DNAH9: variants seen among roughly 807,000 people sequenced by gnomAD.
DNAH9 encodes dynein axonemal heavy chain 9.
A neutral mutation model predicts 471.6 loss-of-function variants in DNAH9; 345 were observed. The ratio of observed to expected loss-of-function variants is 0.73; its 90% CI spans 0.67 to 0.80. DNAH9 has a LOEUF of 0.80. DNAH9 is among the 30% of genes least tolerant of loss of function. DNAH9 has a pLI of 0.00. For synonymous variants in DNAH9, 2,093 were observed against 2,123.6 expected (o/e 0.99, Z 0.40); for missense variants, 5,407 against 5,609.2 (o/e 0.96, Z 1.15).
At chr17:11,784,651 T>C in intron 41 of DNAH9, 112 bp downstream of exon 41, 1 of 1,452,378 alleles carries the variant, frequency 6.9e-7, no homozygotes, top group Non-Finnish European at 9.5e-7. Context: ...GCAAAGCCAC[T>C]GTTCATATGT....
In DNAH9 at chr17:11,632,579, C is replaced by T. The variant is rs1003564234; in HGVS notation, c.1519-8C>T. 2.2e-6 allele frequency: 3 copies of T among 1,393,370 alleles called. No homozygotes were observed. Among genetic ancestry groups the T allele is most frequent in the African/African-American group, 2.8e-5 (2 of 70,616 alleles). The allele number at this position is 1,393,370 out of a possible 1,614,324, so 86.3% of individuals were successfully genotyped here. On this transcript the variant is annotated splice_region_variant and splice_polypyrimidine_tract_variant and intron_variant, in intron 7 of 68. Transcript: ENST00000262442. ...CGTTTTCCTTATATATATATGGTGTCTCTTCAGGACTTTGAAAATGACGTC... is the reference window on the plus strand; with the variant it reads ...CGTTTTCCTTATATATATATGGTGTTTCTTCAGGACTTTGAAAATGACGTC...
chr17:11,689,836 G>C lies in DNAH9; in HGVS notation c.4014G>C (p.Gln1338His). 6.2e-7 allele frequency: 1 copy of C among 1,613,320 alleles called. No homozygotes were observed. Among genetic ancestry groups the C allele is most frequent in the Non-Finnish European group, 8.5e-7 (1 of 1,179,558 alleles). The change falls in exon 20 of 69, where the codon CAG (glutamine) becomes CAC (histidine). Residue 1338 changes from glutamine to histidine, a missense_variant. This residue lies in a region of DNAH9 where 4,636 missense variants were observed against 4,900.3 expected (regional missense o/e 0.95). Coordinates refer to ENST00000262442, the MANE Select transcript of DNAH9 (RefSeq NM_001372.4). ...NVEAMELECKQFARHIRNLDK... is the reference protein window; with the variant it reads ...NVEAMELECKHFARHIRNLDK... ...AAGCCATGGAGTTGGAGTGCAAACA[G>C]TTTGCCCGGCATATCCGAAACCTGG...
intron 30 of DNAH9, among the ~76,000 whole-genome samples, chr17:11,744,336 A>T (rs2075481624): frequency 6.6e-6 from 1 of 152,150 alleles, no homozygotes; most frequent in Non-Finnish European, 1.5e-5. Flanking sequence ...CAGCACTGTG[A>T]CCAGGGGGTT....
chr17:11,599,084 G>A (rs1017293585), intron 1 of DNAH9, among the ~76,000 whole-genome samples, 169 bp downstream of exon 1: 1 of 152,126 alleles, frequency 6.6e-6, no homozygotes, highest in South Asian at 2.1e-4. Flanking sequence ...ACAACCAGGA[G>A]GGAAGTTCCT....
Position 11,690,419 on chromosome 17 carries a change from C to A in DNAH9, c.4597C>A (p.Arg1533=). Residue 1533 remains arginine (R), a synonymous_variant, in exon 20 of 69, where the codon CGG becomes AGG. Transcript: ENST00000262442. ...CATATTCACTGGATCTGAAGATATT[C>A]GGGCACAGCTACCCCAGGTACCTGC... ...ESIFTGSEDI[R]AQLPQDSKRF... The A allele has an allele frequency of 2.5e-6, 4 of 1,613,506 alleles. No homozygotes were observed. The highest frequency in any genetic ancestry group is 3.4e-6 in the Non-Finnish European group (4 of 1,179,464).
intron 43 of DNAH9, among the ~76,000 whole-genome samples, chr17:11,807,121 C>G (rs1275562252): frequency 6.6e-6 from 1 of 152,116 alleles, no homozygotes. Flanking sequence ...AGGGATGCAG[C>G]TGTCTTACCT....
At chr17:11,922,816 C>G (rs1405696737) in intron 61 of DNAH9, among the ~76,000 whole-genome samples, 3 of 152,168 alleles carry the variant, frequency 2.0e-5, no homozygotes, top group Non-Finnish European at 4.4e-5. Context: ...CCACACCTCC[C>G]AGTAAAGTTC....
In DNAH9 at chr17:11,695,013, C is replaced by T. The variant is rs553380200; in HGVS notation, c.4872+566C>T. On this transcript the variant is annotated intron_variant, in intron 22 of 68. Coordinates refer to ENST00000262442, the MANE Select transcript of DNAH9 (RefSeq NM_001372.4). ...AAGCCATCCCCCTGCCTCAGCCTCCCGCGTAGCTGGGACCACAGGTGCATG... is the reference window on the plus strand; with the variant it reads ...AAGCCATCCCCCTGCCTCAGCCTCCTGCGTAGCTGGGACCACAGGTGCATG... Among the ~76,000 whole-genome samples the T allele has an allele frequency of 6.6e-5, 10 of 150,680 alleles. No individual in the cohort carries two copies. In the South Asian group the frequency reaches 8.5e-4, roughly 13 times the overall value.
In DNAH9 at chr17:11,747,796, C is replaced by T. The variant is rs750114587; in HGVS notation, c.6610+30C>T. The T allele has an allele frequency of 2.5e-6, 4 of 1,586,350 alleles. 1 individual carries two copies. The South Asian group carries it at 4.4e-5, about 18-fold the overall frequency. ...GAGTGGGATTCTCCCAGGAGAAAGT[C>T]TCTGCTAGCCTCAGAGTCCCTGTGG... On this transcript the variant is annotated intron_variant, in intron 32 of 68. Transcript: ENST00000262442.
intron 36 of DNAH9, among the ~76,000 whole-genome samples, chr17:11,767,374 A>G (rs902639554): frequency 4.6e-5 from 7 of 152,236 alleles, no homozygotes; most frequent in Non-Finnish European, 1.0e-4. Context: ...CTAAATTCAA[A>G]TCAGAATGAG....
chr17:11,867,002 G>T (rs1236352810), intron 50 of DNAH9, among the ~76,000 whole-genome samples: 1 of 152,232 alleles, frequency 6.6e-6, no homozygotes, highest in African/African-American at 2.4e-5. Flanking sequence ...CCCTGCTTCA[G>T]CTCGCGCATG....
chr17:11,777,085 T>C (rs1968465329), intron 38 of DNAH9, among the ~76,000 whole-genome samples: 1 of 152,254 alleles, frequency 6.6e-6, no homozygotes, highest in African/African-American at 2.4e-5. Flanking sequence ...ATATCTGTTT[T>C]ATAAATATCT....
At position 11,822,533 on chromosome 17, in the gene DNAH9, C is replaced by T. The variant is rs780483675; in HGVS notation, c.8946C>T (p.His2982=). 30 of 1,614,054 alleles carry T rather than the reference C, an allele frequency of 1.9e-5. No homozygotes were observed. In the African/African-American group the frequency reaches 2.1e-4, roughly 11 times the overall value. The change falls in exon 47 of 69, where the codon CAC becomes CAT. Residue 2982 remains histidine (H), a synonymous_variant. Transcript: ENST00000262442. ...ACTGCACAGCCATCCACTGGTTCCACGAGTGGCCTCAGCAAGCATTGGAGT... is the reference window on the plus strand; with the variant it reads ...ACTGCACAGCCATCCACTGGTTCCATGAGTGGCCTCAGCAAGCATTGGAGT... ...IVNCTAIHWF[H]EWPQQALESV...
At position 11,866,403 on chromosome 17, in the gene DNAH9, C is replaced by T. The variant is rs1972057154; in HGVS notation, c.9934-2731C>T. On this transcript the variant is annotated intron_variant, in intron 50 of 68. Transcript: ENST00000262442. The stretch of plus-strand genomic sequence containing the variant: ...GTTTTTTCTCAGAGGAGTACCCGGC[C>T]GTGTGAGGTGTCAGTCTGCCCCTAC... Among the ~76,000 whole-genome samples the T allele has an allele frequency of 2.6e-5, 4 of 152,198 alleles. No individual in the cohort carries two copies. The South Asian group carries it at 6.2e-4, about 24-fold the overall frequency.
chr17:11,727,047 CAAAAAAAAAAAAAAAAAAA>C (rs55659834), intron 27 of DNAH9, among the ~76,000 whole-genome samples: 90 of 68,480 alleles, frequency 1.3e-3, no homozygotes, highest in African/African-American at 5.3e-3. Flanking sequence ...GACTCCGTCT[CAAAAAAAAAAAAAAAAAAA>C]AAAAAAAAAA....
chr17:11,874,902 A>G lies in DNAH9; in HGVS notation c.10243-47A>G, dbSNP rs146652528. The stretch of plus-strand genomic sequence containing the variant: ...GTAACTGCATTCATCCCAGCTGAGA[A>G]TGTCTGCTTCTGTTCTGAGCGTGGG... On this transcript the variant is annotated intron_variant, in intron 52 of 68. Coordinates refer to ENST00000262442, the MANE Select transcript of DNAH9 (RefSeq NM_001372.4). 5.7e-4 allele frequency: 798 copies of G among 1,397,004 alleles called. 3 individuals are homozygous for G. In the African/African-American group the frequency reaches 8.4e-3, roughly 15 times the overall value. The allele number at this position is 1,397,004 out of a possible 1,614,324, so 86.5% of individuals were successfully genotyped here.
chr17:11,632,748 C>T (rs769344843), intron 8 of DNAH9, 45 bp downstream of exon 8: 1 of 911,542 alleles, frequency 1.1e-6, no homozygotes, highest in Non-Finnish European at 1.8e-6. Flanking sequence ...GGATACTCCC[C>T]CGGCCCTCAT....
intron 19 of DNAH9, among the ~76,000 whole-genome samples, chr17:11,683,411 A>G (rs1020689491): frequency 3.3e-5 from 5 of 152,244 alleles, no homozygotes; most frequent in Admixed American, 2.6e-4. Flanking sequence ...TGACCTCGTG[A>G]TCCTCCCACC....
intron 26 of DNAH9, among the ~76,000 whole-genome samples, chr17:11,712,014 T>A (rs1241452102): frequency 1.8e-4 from 2 of 11,092 alleles, no homozygotes; most frequent in Non-Finnish European, 4.2e-4. Flanking sequence ...GTATATATAT[T>A]TATATATAAA....
Sources: gnomAD v4.1 joint callset for allele counts (sites outside exome capture counted in the v4.1 genomes callset) on GRCh38, gnomAD v4.1.1 for gene constraint, gnomAD v4.1.1 regional missense constraint, MANE v1.5 for transcripts, NCBI Gene and HGNC (gene_info 2026-07-23, HGNC 2026-07-21) for gene names.